NOVA1: variants seen among roughly 807,000 people sequenced by gnomAD.
NOVA1 encodes the protein NOVA alternative splicing regulator 1, also known as RNA-binding protein Nova-1.
NOVA1 carries 7 observed loss-of-function variants against 38.0 expected under a neutral mutation model. That is an observed-to-expected ratio of 0.18 (90% CI 0.10 to 0.35). The LOEUF (loss-of-function observed/expected upper bound fraction) is 0.35, where lower values mean the gene tolerates loss of function less well. NOVA1 is among the 10% of genes least tolerant of loss of function. The pLI is 1.00. For synonymous variants in NOVA1, 270 were observed against 232.5 expected (o/e 1.16, Z -1.47); for missense variants, 460 against 616.0 (o/e 0.75, Z 2.68).
chr14:26,495,532 G>C lies in NOVA1; in HGVS notation c.281-15389C>G, dbSNP rs920616055. ...TTATTATACTTTAAGTTTTAGGGTA[G>C]ATGTGCACAATGTGCAGGTTAGTTA... On this transcript the variant is annotated intron_variant, in intron 2 of 4. Transcript: ENST00000539517. Among the ~76,000 whole-genome samples, 8 of 152,050 alleles carry C rather than the reference G, an allele frequency of 5.3e-5. No individual in the cohort carries two copies. The East Asian group carries it at 7.7e-4, about 15-fold the overall frequency.
chr14:26,477,138 GTA>G (rs1384611132), intron 3 of NOVA1, among the ~76,000 whole-genome samples: 2 of 151,782 alleles, frequency 1.3e-5, no homozygotes, highest in Non-Finnish European at 2.9e-5. Context: ...CTACAGTTTA[GTA>G]TATTTTGCTA....
chr14:26,595,640 C>CT, intron 1 of NOVA1, 87 bp from the exon 2 acceptor site: 1 of 1,148,050 alleles, frequency 8.7e-7, no homozygotes, highest in Non-Finnish European at 1.2e-6. Context: ...AAAACAGCAA[C>CT]TAAAGCACTG....
At chr14:26,457,339 C>A (rs1158627761) in intron 4 of NOVA1, among the ~76,000 whole-genome samples, 1 of 151,942 alleles carries the variant, frequency 6.6e-6, no homozygotes, top group Non-Finnish European at 1.5e-5. Context: ...GTTTTACAGT[C>A]CAGTGGTATA....
At chr14:26,509,731 A>C (rs1049232732) in intron 2 of NOVA1, among the ~76,000 whole-genome samples, 1 of 152,118 alleles carries the variant, frequency 6.6e-6, no homozygotes, top group East Asian at 1.9e-4. Context: ...CCTAGGCTGG[A>C]GTGCAATGGC....
chr14:26,539,346 T>C (rs1890303666), intron 2 of NOVA1, among the ~76,000 whole-genome samples: 1 of 152,166 alleles, frequency 6.6e-6, no homozygotes, highest in African/African-American at 2.4e-5. Context: ...AGTTATAATA[T>C]GAAAGCAACA....
chr14:26,531,393 A>T (rs1269913739), intron 2 of NOVA1, among the ~76,000 whole-genome samples: 1 of 152,172 alleles, frequency 6.6e-6, no homozygotes, highest in Non-Finnish European at 1.5e-5. Flanking sequence ...AGATCACCTG[A>T]GGTCGGGAGT....
At chr14:26,536,754 T>TA (rs1890128173) in intron 2 of NOVA1, among the ~76,000 whole-genome samples, 2 of 152,266 alleles carry the variant, frequency 1.3e-5, no homozygotes, top group South Asian at 4.1e-4. Flanking sequence ...TAACAGACTT[T>TA]ACTATGTAAA....
Position 26,597,780 on chromosome 14 carries a change from G to T in NOVA1, c.-344C>A. On this transcript the variant is annotated 5_prime_UTR_variant, in exon 1 of 5. Coordinates refer to ENST00000539517, the MANE Select transcript of NOVA1 (RefSeq NM_002515.3). ...GGGCGAGTGAATGAGCGGGAGGAGGGGACCGGGGAGGACAGGCAGAGGGAG... is the reference window on the plus strand; with the variant it reads ...GGGCGAGTGAATGAGCGGGAGGAGGTGACCGGGGAGGACAGGCAGAGGGAG... 1.3e-6 allele frequency: 1 copy of T among 792,536 alleles called. No homozygotes were observed. Among genetic ancestry groups the T allele is most frequent in the Non-Finnish European group, 1.5e-6 (1 of 646,482 alleles). 49.1% of individuals were successfully genotyped at this position (792,536 alleles called of 1,614,324 possible).
intron 2 of NOVA1, among the ~76,000 whole-genome samples, chr14:26,557,650 G>A (rs914224701): frequency 2.0e-5 from 3 of 151,848 alleles, no homozygotes; most frequent in Non-Finnish European, 4.4e-5. Context: ...TGGGATTACA[G>A]GCATGAGCCA....
intron 2 of NOVA1, among the ~76,000 whole-genome samples, chr14:26,566,808 T>C (rs1210452206): frequency 6.6e-6 from 1 of 152,170 alleles, no homozygotes; most frequent in Non-Finnish European, 1.5e-5. Context: ...AAGGAAAACA[T>C]ATTACTATGT....
chr14:26,557,790 G>T (rs2138670082), intron 2 of NOVA1, among the ~76,000 whole-genome samples: 1 of 152,026 alleles, frequency 6.6e-6, no homozygotes, highest in African/African-American at 2.4e-5. Flanking sequence ...AAAAACATAT[G>T]CCTACACGAA....
At chr14:26,543,261 A>G (rs1890582518) in intron 2 of NOVA1, among the ~76,000 whole-genome samples, 1 of 151,924 alleles carries the variant, frequency 6.6e-6, no homozygotes, top group African/African-American at 2.4e-5. Flanking sequence ...CTTTTTTTGG[A>G]ACAAGGAGAA....
chr14:26,468,012 T>C (rs1292448289), intron 4 of NOVA1, among the ~76,000 whole-genome samples: 1 of 152,190 alleles, frequency 6.6e-6, no homozygotes, highest in Non-Finnish European at 1.5e-5. Flanking sequence ...CATGACTTAC[T>C]TCTCACTACA....
intron 2 of NOVA1, among the ~76,000 whole-genome samples, chr14:26,501,575 AT>A (rs1887244347): frequency 6.6e-6 from 1 of 151,966 alleles, no homozygotes; most frequent in Admixed American, 6.6e-5. Context: ...ATAATATATT[AT>A]TTTATCTTCT....
At chr14:26,497,899 A>T (rs1430268060) in intron 2 of NOVA1, among the ~76,000 whole-genome samples, 1 of 152,186 alleles carries the variant, frequency 6.6e-6, no homozygotes, top group Non-Finnish European at 1.5e-5. Flanking sequence ...AATGCTAGTA[A>T]CTATATACTG....
At chr14:26,517,930 T>A (rs951244743) in intron 2 of NOVA1, among the ~76,000 whole-genome samples, 4 of 152,040 alleles carry the variant, frequency 2.6e-5, no homozygotes, top group Non-Finnish European at 4.4e-5. Flanking sequence ...TTGGAAGAAG[T>A]ATACAAAATC....
intron 3 of NOVA1, chr14:26,479,725 G>C: frequency 2.5e-6 from 1 of 398,014 alleles, no homozygotes; most frequent in Non-Finnish European, 4.4e-6. Flanking sequence ...AATTTAAAAA[G>C]GGCAATCACT....
intron 2 of NOVA1, among the ~76,000 whole-genome samples, chr14:26,529,508 G>A (rs966248832): frequency 6.6e-5 from 10 of 152,150 alleles, no homozygotes; most frequent in Non-Finnish European, 1.2e-4. Context: ...GTAGGGGAAT[G>A]GCTCTATCAT....
intron 2 of NOVA1, among the ~76,000 whole-genome samples, chr14:26,555,062 C>T: frequency 6.6e-6 from 1 of 152,038 alleles, no homozygotes; most frequent in Non-Finnish European, 1.5e-5. Context: ...AAAGGCTCTA[C>T]AGAAGGAAAG....
Sources: allele counts gnomAD v4.1 joint callset (sites outside exome capture counted in the v4.1 genomes callset), GRCh38; gene constraint gnomAD v4.1.1; transcripts MANE v1.5; gene names NCBI Gene and HGNC (gene_info 2026-07-23, HGNC 2026-07-21).